Variants in PRICKLE2 observed in about 807,000 individuals in gnomAD.
PRICKLE2 encodes the protein prickle-like protein 2.
PRICKLE2 carries 21 observed loss-of-function variants against 81.4 expected under a neutral mutation model. The observed-to-expected ratio is 0.26, with a 90% CI of 0.18 to 0.37. PRICKLE2 has a LOEUF of 0.37. PRICKLE2 is among the 10% of genes least tolerant of loss of function. PRICKLE2 has a pLI of 1.00. For synonymous variants in PRICKLE2, 456 were observed against 421.5 expected (o/e 1.08, Z -1.00); for missense variants, 940 against 1,109.0 (o/e 0.85, Z 2.16).
chr3:64,253,640 A>G (rs1306815768), intron 2 of PRICKLE2, among the ~76,000 whole-genome samples: 1 of 152,232 alleles, frequency 6.6e-6, no homozygotes, highest in African/African-American at 2.4e-5. Context: ...TTGGAAGGCA[A>G]CCATGAGACA....
intron 7 of PRICKLE2, among the ~76,000 whole-genome samples, chr3:64,124,317 T>C (rs2077074232): frequency 6.6e-6 from 1 of 152,182 alleles, no homozygotes; most frequent in African/African-American, 2.4e-5. Flanking sequence ...AAAGAAGCCA[T>C]CGCCATAACA....
intron 2 of PRICKLE2, among the ~76,000 whole-genome samples, chr3:64,256,521 C>T (rs987567842): frequency 1.3e-5 from 2 of 152,080 alleles, no homozygotes; most frequent in Admixed American, 6.5e-5. Flanking sequence ...AGTTTGTTGA[C>T]CCATGATGTA....
rs2076557940 is a variant in PRICKLE2 at position 64,095,387 on chromosome 3, T to C, written c.*3664A>G. 1 of 152,204 alleles carries C rather than the reference T, an allele frequency of 6.6e-6. No individual in the cohort carries two copies. The highest frequency in any genetic ancestry group is 2.1e-4 in the South Asian group (1 of 4,834). 9.4% of individuals were successfully genotyped at this position (152,204 alleles called of 1,614,324 possible). A position where few individuals can be genotyped will look rare whatever the true frequency, so the allele number is the denominator to read the frequency against. On this transcript the variant is annotated 3_prime_UTR_variant, in exon 8 of 8. Transcript: ENST00000638394. ...CCAAGAGTGGAAAGACAGATATGAA[T>C]CAGTTCACAAATAAGATTGGTTATC...
At chr3:64,218,622 T>C (rs2078907120) in intron 1 of PRICKLE2, among the ~76,000 whole-genome samples, 1 of 152,204 alleles carries the variant, frequency 6.6e-6, no homozygotes, top group South Asian at 2.1e-4. Flanking sequence ...GTGAACACAG[T>C]GCCTGGCACG....
intron 2 of PRICKLE2, among the ~76,000 whole-genome samples, chr3:64,164,627 A>T (rs571248423): frequency 2.6e-5 from 4 of 152,324 alleles, no homozygotes; most frequent in East Asian, 3.9e-4. Flanking sequence ...TGTGCCTATC[A>T]TCCTTTTAAT....
intron 2 of PRICKLE2, among the ~76,000 whole-genome samples, chr3:64,179,957 A>G (rs2078099097): frequency 6.6e-6 from 1 of 152,224 alleles, no homozygotes; most frequent in Non-Finnish European, 1.5e-5. Flanking sequence ...TGAATCAATG[A>G]GCAGTGTAGT....
intron 1 of PRICKLE2, among the ~76,000 whole-genome samples, chr3:64,202,352 T>C (rs1188039214): frequency 6.6e-6 from 1 of 152,190 alleles, no homozygotes; most frequent in Non-Finnish European, 1.5e-5. Flanking sequence ...TGAAGAGTAT[T>C]GCCATTTTAA....
At chr3:64,204,004 A>C (rs1013709654) in intron 1 of PRICKLE2, among the ~76,000 whole-genome samples, 1 of 151,940 alleles carries the variant, frequency 6.6e-6, no homozygotes, top group African/African-American at 2.4e-5. Flanking sequence ...CATACACTCT[A>C]AAACAAAAAC....
rs143770120 is a variant in PRICKLE2, at chr3:64,232,635, A to G, written c.129-33668T>C. ...CGGCTAAGTCCTGGGACTCCTGTAT[A>G]TCTACATTTGCTTCTCTGGTCTAGG... On this transcript the variant is annotated intron_variant, in intron 2 of 8. Coordinates refer to the PRICKLE2 transcript ENST00000295902. 1.1e-3 allele frequency among the ~76,000 whole-genome samples: 162 copies of G among 148,196 alleles called. 1 individual carries two copies. Among genetic ancestry groups the G allele is most frequent in the Non-Finnish European group, 1.5e-3 (100 of 66,334 alleles).
intron 2 of PRICKLE2, among the ~76,000 whole-genome samples, chr3:64,195,904 G>C (rs2078444641): frequency 6.6e-6 from 1 of 152,152 alleles, no homozygotes; most frequent in African/African-American, 2.4e-5. Flanking sequence ...ATAAAGATTT[G>C]AGTAAGTGTA....
intron 1 of PRICKLE2, among the ~76,000 whole-genome samples, chr3:64,209,908 T>A (rs758030236): frequency 1.3e-5 from 2 of 152,210 alleles, no homozygotes; most frequent in Non-Finnish European, 2.9e-5. Context: ...TGAGTTGTGA[T>A]GAGAAGACTA....
intron 4 of PRICKLE2, among the ~76,000 whole-genome samples, chr3:64,158,862 G>T (rs1001165954): frequency 5.0e-4 from 76 of 152,116 alleles, no homozygotes; most frequent in Non-Finnish European, 9.4e-4. Flanking sequence ...TCAAAAAAGG[G>T]CCTCAAATGA....
chr3:64,237,668 T>C (rs1289665603), intron 2 of PRICKLE2, among the ~76,000 whole-genome samples: 10 of 152,120 alleles, frequency 6.6e-5, no homozygotes, highest in Non-Finnish European at 1.3e-4. Context: ...AAAACAGGAA[T>C]GCATGTTCTC....
chr3:64,170,832 G>A (rs1002037912), intron 2 of PRICKLE2, among the ~76,000 whole-genome samples: 8 of 151,738 alleles, frequency 5.3e-5, no homozygotes, highest in African/African-American at 1.5e-4. Flanking sequence ...TGGCGAATGC[G>A]CCACTGCCCT....
intron 7 of PRICKLE2, among the ~76,000 whole-genome samples, chr3:64,134,454 G>A (rs184756594): frequency 1.3e-5 from 2 of 152,256 alleles, no homozygotes; most frequent in East Asian, 1.9e-4. Flanking sequence ...TCTCAGTCTC[G>A]GCACTGCTGG....
At chr3:64,238,018 A>G (rs1251068875) in intron 2 of PRICKLE2, among the ~76,000 whole-genome samples, 1 of 152,200 alleles carries the variant, frequency 6.6e-6, no homozygotes, top group African/African-American at 2.4e-5. Context: ...GAGAGCAAGA[A>G]GTTCAGTGGA....
chr3:64,209,604 A>G (rs1258067522), intron 1 of PRICKLE2, among the ~76,000 whole-genome samples: 1 of 152,144 alleles, frequency 6.6e-6, no homozygotes, highest in African/African-American at 2.4e-5. Flanking sequence ...CCATCCAGCC[A>G]ACCAACCTAC....
rs148888682 is a variant in PRICKLE2 at position 64,159,991 on chromosome 3, G to A, written c.345C>T (p.Arg115=). 8.1e-5 allele frequency: 131 copies of A among 1,614,082 alleles called. No homozygotes were observed. Among genetic ancestry groups the A allele is most frequent in the South Asian group, 6.4e-4 (58 of 91,078 alleles). The part of the protein sequence containing the change: ...SSQRKRENLG[R]GNVRPFPVTM... ...TGACTGGGAAAGGCCTGACATTCCC[G>A]CGGCCCAAGTTTTCGCGTTTCCTCT... The change falls in exon 4 of 8, where the codon CGC becomes CGT. Residue 115 remains arginine, a synonymous_variant. Coordinates refer to ENST00000638394, the MANE Select transcript of PRICKLE2 (RefSeq NM_198859.4).
At chr3:64,160,480 C>T (rs547351945) in intron 3 of PRICKLE2, among the ~76,000 whole-genome samples, 10 of 152,222 alleles carry the variant, frequency 6.6e-5, no homozygotes, top group Non-Finnish European at 1.5e-4. Flanking sequence ...TGTGCCCATG[C>T]AAGTGATCCT....
Sources: allele counts gnomAD v4.1 joint callset (sites outside exome capture counted in the v4.1 genomes callset), GRCh38; gene constraint gnomAD v4.1.1; transcripts MANE v1.5; gene names NCBI Gene and HGNC (gene_info 2026-07-23, HGNC 2026-07-21).